The following PPP4R2 variants were observed in gnomAD, a reference collection of about 807,000 sequenced individuals.
PPP4R2 encodes the protein protein phosphatase 4 regulatory subunit 2.
PPP4R2 carries 13 observed loss-of-function variants against 47.2 expected under a neutral mutation model. The ratio of observed to expected loss-of-function variants is 0.28; its 90% CI spans 0.18 to 0.44. PPP4R2 has a LOEUF of 0.44. PPP4R2 is among the 20% of genes least tolerant of loss of function. The pLI is 1.00. For synonymous variants in PPP4R2, 151 were observed against 163.3 expected, an observed-to-expected ratio of 0.92 and a Z score of 0.57; for missense variants, 421 against 491.2, an observed-to-expected ratio of 0.86 and a Z score of 1.35.
chr3:72,998,157 A>C lies in PPP4R2; in HGVS notation c.115A>C (p.Met39Leu), dbSNP rs150423598. The stretch of plus-strand genomic sequence containing the variant: ...TCATGTAGCCAAGACTGGAGAAACA[A>C]TGTGAGTTGAAAACATGCATTTGTC... ...LCHVAKTGET[M>L]IQWSQFKGYF... The change falls in exon 2 of 9, where the codon ATG becomes CTG. Residue 39 changes from methionine (M) to leucine (L), a missense_variant and splice_region_variant. Around this residue, in one of 2 missense-constraint regions of PPP4R2, gnomAD observed 104 missense variants for 203.7 expected, o/e 0.51. Coordinates refer to ENST00000356692, the MANE Select transcript of PPP4R2 (RefSeq NM_174907.4). The C allele has an allele frequency of 6.3e-7, 1 of 1,596,840 alleles. No individual in the cohort carries two copies. Among genetic ancestry groups the C allele is most frequent in the Non-Finnish European group, 8.5e-7 (1 of 1,170,946 alleles).
chr3:73,015,659 A>G (rs1341190531), intron 2 of PPP4R2, among the ~76,000 whole-genome samples: 35 of 122,806 alleles, frequency 2.9e-4, no homozygotes, highest in African/African-American at 9.2e-4. Flanking sequence ...TTTTTTTGAG[A>G]CGGAGTTTCG....
chr3:73,006,190 ATTTTTT>A (rs71624000), intron 2 of PPP4R2, among the ~76,000 whole-genome samples: 6 of 124,176 alleles, frequency 4.8e-5, no homozygotes, highest in African/African-American at 9.4e-5. Flanking sequence ...ATATGCCACA[ATTTTTT>A]TTTTTTTTTT....
chr3:73,002,629 CTTTTCTTTTTTTTTTTTTT>C (rs199690343), intron 2 of PPP4R2, among the ~76,000 whole-genome samples: 16,172 of 83,180 alleles, frequency 0.19, 1,519 homozygotes, highest in East Asian at 0.38. Context: ...CTTTTCTTTT[CTTTTCTTTTTTTTTTTTTT>C]TTTTTTTTTT....
rs945296969 is a variant in PPP4R2, at chr3:73,044,411, C to A, written c.117-2775C>A. Among the ~76,000 whole-genome samples, 4 of 152,114 alleles carry A rather than the reference C, an allele frequency of 2.6e-5. No individual in the cohort carries two copies. In the East Asian group the frequency reaches 7.7e-4, roughly 29 times the overall value. On this transcript the variant is annotated intron_variant, in intron 2 of 8. Transcript: ENST00000356692. ...ACCAGCCTGGCCAACATGGTGAAACCCCGTCTCTACTAAAAATACAAAAAG... is the reference window on the plus strand; with the variant it reads ...ACCAGCCTGGCCAACATGGTGAAACACCGTCTCTACTAAAAATACAAAAAG...
chr3:73,016,761 G>C (rs1701843854), intron 2 of PPP4R2, among the ~76,000 whole-genome samples: 1 of 103,120 alleles, frequency 9.7e-6, no homozygotes, highest in African/African-American at 3.9e-5. Context: ...TTTTAATACA[G>C]AGTCTCACTC....
intron 4 of PPP4R2, among the ~76,000 whole-genome samples, chr3:73,060,204 C>T (rs1286691426): frequency 5.3e-5 from 8 of 152,190 alleles, no homozygotes; most frequent in Admixed American, 4.6e-4. Flanking sequence ...GTTTTTGTGG[C>T]CATACTGGAT....
intron 2 of PPP4R2, among the ~76,000 whole-genome samples, chr3:73,003,238 G>A (rs573547077): frequency 6.8e-6 from 1 of 147,946 alleles, no homozygotes; most frequent in South Asian, 2.1e-4. Context: ...TTGAGACAGA[G>A]TCTCACTCTG....
chr3:73,034,418 A>C (rs959826759), intron 2 of PPP4R2, among the ~76,000 whole-genome samples: 3 of 152,250 alleles, frequency 2.0e-5, no homozygotes, highest in Admixed American at 6.5e-5. Flanking sequence ...CCTACCAGTT[A>C]GTGGACACAT....
intron 2 of PPP4R2, among the ~76,000 whole-genome samples, chr3:73,045,624 C>G (rs1702468175): frequency 6.6e-6 from 1 of 150,546 alleles, no homozygotes; most frequent in South Asian, 2.1e-4. Context: ...CTCCTCAGTT[C>G]AAGTGATTCT....
chr3:73,007,481 T>C (rs1026864386), intron 2 of PPP4R2, among the ~76,000 whole-genome samples: 18 of 102,968 alleles, frequency 1.7e-4, no homozygotes, highest in African/African-American at 7.0e-4. Flanking sequence ...TTTTTTGTTT[T>C]TTGTTTTTTT....
chr3:73,046,253 T>C (rs1392188354), intron 2 of PPP4R2, among the ~76,000 whole-genome samples: 2 of 152,186 alleles, frequency 1.3e-5, no homozygotes, highest in Non-Finnish European at 2.9e-5. Flanking sequence ...CTTTGACCTC[T>C]TGGACCACAA....
chr3:72,997,956 G>T (rs1701383808), intron 1 of PPP4R2, 121 bp from the exon 2 acceptor site: 1 of 717,306 alleles, frequency 1.4e-6, no homozygotes, highest in Non-Finnish European at 2.4e-6. Context: ...TGGTTGAGAG[G>T]CCTTATTTTT....
intron 5 of PPP4R2, 45 bp downstream of exon 5, chr3:73,061,105 A>T: frequency 2.2e-6 from 2 of 906,946 alleles, no homozygotes; most frequent in South Asian, 2.0e-5. Flanking sequence ...TACTATATTT[A>T]ATCATTTTAT....
chr3:73,025,322 G>A (rs943593504), intron 2 of PPP4R2, among the ~76,000 whole-genome samples: 1 of 152,182 alleles, frequency 6.6e-6, no homozygotes, highest in Non-Finnish European at 1.5e-5. Context: ...ATCACCTTCT[G>A]ACCTTTAAGG....
intron 2 of PPP4R2, among the ~76,000 whole-genome samples, chr3:73,004,531 C>T (rs1003076452): frequency 2.6e-5 from 4 of 152,164 alleles, no homozygotes; most frequent in Non-Finnish European, 5.9e-5. Context: ...TCTTGGTTCA[C>T]TGTAAACTCT....
intron 4 of PPP4R2, 68 bp from the exon 5 acceptor site, chr3:73,060,955 C>CA: frequency 1.8e-6 from 2 of 1,137,290 alleles, no homozygotes; most frequent in Non-Finnish European, 2.5e-6. Flanking sequence ...ATTTTAGAAA[C>CA]AAAAATGATG....
At chr3:73,011,732 A>C (rs1253993032) in intron 2 of PPP4R2, among the ~76,000 whole-genome samples, 1 of 152,076 alleles carries the variant, frequency 6.6e-6, no homozygotes, top group Non-Finnish European at 1.5e-5. Context: ...AATTTTGTAG[A>C]GACATAAATT....
rs1300108620 is a variant in PPP4R2, at chr3:72,996,976, G to A, written c.-62G>A. 3.2e-6 allele frequency: 4 copies of A among 1,251,728 alleles called. No homozygotes were observed. The Admixed American group carries it at 1.4e-4, about 45-fold the overall frequency. The allele number at this position is 1,251,728 out of a possible 1,614,324, so 77.5% of individuals were successfully genotyped here. On this transcript the variant is annotated 5_prime_UTR_variant, in exon 1 of 9. Transcript: ENST00000356692. ...GAGGGCGTCGGGGGGGTGGGGGGAGGCGTTCCGGTCCCCAAGAGACCCGCG... is the reference window on the plus strand; with the variant it reads ...GAGGGCGTCGGGGGGGTGGGGGGAGACGTTCCGGTCCCCAAGAGACCCGCG...
intron 2 of PPP4R2, among the ~76,000 whole-genome samples, chr3:73,003,566 G>A (rs1364233696): frequency 1.3e-5 from 2 of 152,096 alleles, no homozygotes; most frequent in Non-Finnish European, 2.9e-5. Context: ...TATATCTCAT[G>A]CCTACAACCA....
Sources: gnomAD v4.1 joint callset for allele counts (sites outside exome capture counted in the v4.1 genomes callset) on GRCh38, gnomAD v4.1.1 for gene constraint, gnomAD v4.1.1 regional missense constraint, MANE v1.5 for transcripts, NCBI Gene and HGNC (gene_info 2026-07-23, HGNC 2026-07-21) for gene names.